The following ALDH7A1 variants were observed in gnomAD, a reference collection of about 807,000 sequenced individuals.
ALDH7A1 encodes the protein alpha-aminoadipic semialdehyde dehydrogenase.
A neutral mutation model predicts 79.9 loss-of-function variants in ALDH7A1; 63 were observed. The ratio of observed to expected loss-of-function variants is 0.79; its 90% CI spans 0.64 to 0.97. The LOEUF is 0.97. Among genes scored for constraint, ALDH7A1 ranks in the 50% least tolerant of loss-of-function variants. The pLI, the probability that ALDH7A1 is intolerant of heterozygous loss-of-function variation, is 0.00. For synonymous variants in ALDH7A1, 240 were observed against 231.2 expected, an observed-to-expected ratio of 1.04 and a Z score of -0.34; for missense variants, 627 against 665.2, an observed-to-expected ratio of 0.94 and a Z score of 0.63.
chr5:126,549,990 T>C lies in ALDH7A1; in HGVS notation c.1428A>G (p.Ser476=). 1 of 1,614,184 alleles carries C rather than the reference T, an allele frequency of 6.2e-7. No individual in the cohort carries two copies. The highest frequency in any genetic ancestry group is 8.5e-7 in the Non-Finnish European group (1 of 1,180,034). ...TGTTGACATTTACAATGCCACAGTC[T>C]GATCCTTTAGGTCTGTGTAAAAAGG... ...RIFRWLGPKG[S]DCGIVNVNIP... The change falls in exon 16 of 18, where the codon TCA becomes TCG. Residue 476 remains serine (S), a synonymous_variant. Transcript: ENST00000409134.
rs1049046357 is a variant in ALDH7A1, at chr5:126,542,935, A to C, written c.*2030T>G. The C allele has an allele frequency of 1.3e-5, 2 of 152,202 alleles. No homozygotes were observed. The highest frequency in any genetic ancestry group is 4.8e-5 in the African/African-American group (2 of 41,442). The allele number at this position is 152,202 out of a possible 1,614,324, so 9.4% of individuals were successfully genotyped here. A position where few individuals can be genotyped will look rare whatever the true frequency, so the allele number is the denominator to read the frequency against. ...CTCTCTCCAAGTACAGCAAGATCCT[A>C]AGCAAGTTAGGCTTTAGTGCCGTGG... is the stretch of plus-strand genomic sequence containing the variant. On this transcript the variant is annotated 3_prime_UTR_variant, in exon 18 of 18. Coordinates refer to ENST00000409134, the MANE Select transcript of ALDH7A1 (RefSeq NM_001182.5).
chr5:126,594,476 C>T (rs989235144), intron 1 of ALDH7A1: 7 of 258,870 alleles, frequency 2.7e-5, no homozygotes, highest in Admixed American at 1.0e-4. Context: ...CGGAATTTCG[C>T]TCTTGTTGCT....
intron 3 of ALDH7A1, among the ~76,000 whole-genome samples, chr5:126,589,817 G>A (rs1751483865): frequency 6.7e-6 from 1 of 150,172 alleles, no homozygotes; most frequent in Non-Finnish European, 1.5e-5. Context: ...CATCTGGGAA[G>A]TGAGGAGGAC....
At chr5:126,555,803 A>C (rs1182064655) in intron 12 of ALDH7A1, 128 bp downstream of exon 12, 1 of 748,510 alleles carries the variant, frequency 1.3e-6, no homozygotes, top group African/African-American at 1.7e-5. Context: ...ACCAAAGCCT[A>C]ATAACCTGCT....
At chr5:126,593,158 G>A (rs1034187312) in intron 2 of ALDH7A1, among the ~76,000 whole-genome samples, 193 bp downstream of exon 2, 2 of 152,034 alleles carry the variant, frequency 1.3e-5, no homozygotes, top group African/African-American at 4.8e-5. Context: ...ACCCAAGAGA[G>A]GACAGTCTCC....
At chr5:126,593,308 A>AACGCAC (rs1554101759) in intron 2 of ALDH7A1, 43 bp downstream of exon 2, 1 of 1,205,090 alleles carries the variant, frequency 8.3e-7, no homozygotes, top group Non-Finnish European at 1.2e-6. Flanking sequence ...ATTTGAATTA[A>AACGCAC]ACACACACAC....
At chr5:126,568,038 C>T in intron 9 of ALDH7A1, 1 of 456,454 alleles carries the variant, frequency 2.2e-6, no homozygotes, top group Non-Finnish European at 4.1e-6. Context: ...CTGCCTTGGC[C>T]TCCCAAAGTG....
chr5:126,592,644 G>C lies in ALDH7A1; in HGVS notation c.312+20C>G. ...GCAAAGTGATCTTTTCTGAATTCTA[G>C]AAACAAAGGCCATACTTACATCTGC... On this transcript the variant is annotated intron_variant, in intron 3 of 17. Coordinates refer to ENST00000409134, the MANE Select transcript of ALDH7A1 (RefSeq NM_001182.5). The C allele has an allele frequency of 6.2e-7, 1 of 1,611,582 alleles. No individual in the cohort carries two copies. Among genetic ancestry groups the C allele is most frequent in the Non-Finnish European group, 8.5e-7 (1 of 1,177,798 alleles).
chr5:126,575,368 A>C, intron 7 of ALDH7A1, 52 bp downstream of exon 7: 4 of 1,571,742 alleles, frequency 2.5e-6, no homozygotes, highest in Non-Finnish European at 3.5e-6. Flanking sequence ...CCTATCAATA[A>C]CCCTTTCAAT....
At chr5:126,554,880 C>G in intron 12 of ALDH7A1, 1 of 225,228 alleles carries the variant, frequency 4.4e-6, no homozygotes, top group Non-Finnish European at 8.8e-6. Context: ...CTGCTGGGGA[C>G]TAGAGCACTG....
intron 16 of ALDH7A1, among the ~76,000 whole-genome samples, chr5:126,547,156 G>A (rs999528110): frequency 6.6e-6 from 1 of 152,252 alleles, no homozygotes; most frequent in African/African-American, 2.4e-5. Context: ...CTGAGCACCT[G>A]CCTGAGGTTC....
chr5:126,583,845 A>G (rs1304807421), intron 4 of ALDH7A1, 87 bp downstream of exon 4: 2 of 1,228,064 alleles, frequency 1.6e-6, no homozygotes, highest in Non-Finnish European at 2.4e-6. Flanking sequence ...CTCAAAAAAA[A>G]AAAACCTCAC....
intron 7 of ALDH7A1, among the ~76,000 whole-genome samples, chr5:126,573,659 C>T (rs1048471763): frequency 3.3e-4 from 50 of 150,088 alleles, no homozygotes; most frequent in Non-Finnish European, 5.6e-4. Context: ...GATCGCACCA[C>T]TGCACTCTAG....
chr5:126,580,301 T>C (rs1484463657), intron 5 of ALDH7A1, among the ~76,000 whole-genome samples: 3 of 152,138 alleles, frequency 2.0e-5, no homozygotes, highest in African/African-American at 4.8e-5. Context: ...TTTTCCATGT[T>C]GGTCAGGCTG....
intron 10 of ALDH7A1, among the ~76,000 whole-genome samples, chr5:126,559,762 A>G (rs1750336182): frequency 6.6e-6 from 1 of 152,088 alleles, no homozygotes; most frequent in South Asian, 2.1e-4. Flanking sequence ...GTAAAAGAAC[A>G]TCAAAACTAT....
intron 11 of ALDH7A1, among the ~76,000 whole-genome samples, chr5:126,556,391 C>T (rs58416294): frequency 0.053 from 7,986 of 151,878 alleles, 708 homozygotes; most frequent in African/African-American, 0.18. Context: ...TACAGGCACC[C>T]ACCACCACAC....
At chr5:126,591,174 T>A (rs1011318816) in intron 3 of ALDH7A1, among the ~76,000 whole-genome samples, 1 of 152,164 alleles carries the variant, frequency 6.6e-6, no homozygotes, top group African/African-American at 2.4e-5. Flanking sequence ...ACAAGTAAGT[T>A]TTTAAAACAA....
intron 9 of ALDH7A1, chr5:126,564,499 C>G: frequency 8.1e-7 from 1 of 1,240,840 alleles, no homozygotes; most frequent in Non-Finnish European, 1.0e-6. Flanking sequence ...CTTAAGTGCA[C>G]TTTAAAATCA....
intron 7 of ALDH7A1, among the ~76,000 whole-genome samples, chr5:126,573,525 C>T (rs764479334): frequency 1.3e-5 from 2 of 151,844 alleles, no homozygotes; most frequent in African/African-American, 4.8e-5. Flanking sequence ...TGGTGAAACC[C>T]CATCTCTACT....
Sources: gnomAD v4.1 joint callset for allele counts (sites outside exome capture counted in the v4.1 genomes callset) on GRCh38, gnomAD v4.1.1 for gene constraint, MANE v1.5 for transcripts, NCBI Gene and HGNC (gene_info 2026-07-23, HGNC 2026-07-21) for gene names.